Variants in NAAA observed in about 807,000 individuals in gnomAD.
NAAA encodes the protein N-acylethanolamine-hydrolyzing acid amidase.
Under a neutral mutation model 44.8 loss-of-function variants are expected in NAAA, and 39 were observed. The observed-to-expected ratio is 0.87, with a 90% CI of 0.67 to 1.14. NAAA has a LOEUF of 1.14. NAAA is among the 50% of genes most tolerant of loss of function. The pLI, the probability that NAAA is intolerant of heterozygous loss-of-function variation, is 0.00. For missense variants in NAAA, 460 were observed against 467.8 expected (o/e 0.98, Z 0.15); for synonymous variants, 178 against 191.3 (o/e 0.93, Z 0.58).
chr4:75,912,509 G>C (rs1274542234), downstream of NAAA, among the ~76,000 whole-genome samples: 2 of 149,970 alleles, frequency 1.3e-5, no homozygotes. Context: ...AGCCGAGATC[G>C]TGCCATCGCA....
chr4:75,934,518 G>A (rs1485005617), intron 3 of NAAA, among the ~76,000 whole-genome samples: 4 of 148,256 alleles, frequency 2.7e-5, no homozygotes, highest in South Asian at 2.1e-4. Context: ...TAGTAGAGAC[G>A]GGGTTTCACC....
At chr4:75,940,671 C>G (rs1728187483) in intron 1 of NAAA, 73 bp downstream of exon 1, 1 of 1,481,824 alleles carries the variant, frequency 6.7e-7, no homozygotes, top group South Asian at 1.3e-5. Flanking sequence ...TTAAAGCACT[C>G]TGAGCAGCGC....
chr4:75,922,578 A>G (rs78906706), intron 5 of NAAA, among the ~76,000 whole-genome samples: 5,396 of 152,246 alleles, frequency 0.035, 315 homozygotes, highest in African/African-American at 0.12. Flanking sequence ...TTGTTCAATC[A>G]TATTTCTACA....
At chr4:75,920,512 C>T (rs1373921206) in intron 7 of NAAA, among the ~76,000 whole-genome samples, 5 of 152,258 alleles carry the variant, frequency 3.3e-5, no homozygotes, top group Admixed American at 3.3e-4. Context: ...CTCTAGGGCT[C>T]CTGACCCTGA....
At chr4:75,922,009 T>C (rs566079717) in intron 5 of NAAA, among the ~76,000 whole-genome samples, 2 of 152,260 alleles carry the variant, frequency 1.3e-5, no homozygotes, top group South Asian at 2.1e-4. Flanking sequence ...TCTTCCTGTC[T>C]CCACCTTCAC....
At position 75,925,410 on chromosome 4, in the gene NAAA, C is replaced by T. The variant is rs1176262325; in HGVS notation, c.666+325G>A. On this transcript the variant is annotated intron_variant, in intron 5 of 10. Transcript: ENST00000286733. ...GAACCGATCCCGCCTTTCCACTTTT[C>T]ACTTCTCTGACTATCCTAAGCTCCT... 2.0e-5 allele frequency among the ~76,000 whole-genome samples: 3 copies of T among 152,190 alleles called. No homozygotes were observed. In the East Asian group the frequency reaches 5.8e-4, roughly 29 times the overall value.
At chr4:75,921,787 G>A (rs1401234707) in intron 5 of NAAA, among the ~76,000 whole-genome samples, 1 of 152,130 alleles carries the variant, frequency 6.6e-6, no homozygotes, top group African/African-American at 2.4e-5. Flanking sequence ...TAGTTCGATG[G>A]ACTAGACTGG....
chr4:75,933,179 T>C (rs1033782822), intron 3 of NAAA, among the ~76,000 whole-genome samples: 1 of 151,872 alleles, frequency 6.6e-6, no homozygotes, highest in East Asian at 1.9e-4. Context: ...ACTCATACTG[T>C]TCAATAAAAG....
chr4:75,939,877 G>T lies in NAAA; in HGVS notation c.371+124C>A, dbSNP rs201845829. 54 of 1,100,986 alleles carry T rather than the reference G, an allele frequency of 4.9e-5. No individual in the cohort carries two copies. In the East Asian group the frequency reaches 9.3e-4, roughly 19 times the overall value. The allele number at this position is 1,100,986 out of a possible 1,614,324, so 68.2% of individuals were successfully genotyped here. ...CCAGAGAGGCAAAGAGGAAGCGCTG[G>T]AGGTTTCTAGGCAAGCAGGCACCGC... On this transcript the variant is annotated intron_variant, in intron 2 of 10. Transcript: ENST00000286733.
In NAAA at chr4:75,940,603, C is replaced by T. The variant is rs1728180624; in HGVS notation, c.206+141G>A. On this transcript the variant is annotated intron_variant, in intron 1 of 10. Transcript: ENST00000286733. ...TGGATTCTCCCCAACCCGGACGCTG[C>T]TCAGGGCGGCAGCCAAAACCAGTTC... 3.0e-6 allele frequency: 3 copies of T among 987,818 alleles called. No individual in the cohort carries two copies. In the African/African-American group the frequency reaches 5.0e-5, roughly 16 times the overall value. The allele number at this position is 987,818 out of a possible 1,614,324, so 61.2% of individuals were successfully genotyped here.
At chr4:75,940,673 G>A (rs1169671913) in intron 1 of NAAA, 71 bp downstream of exon 1, 15 of 1,487,932 alleles carry the variant, frequency 1.0e-5, no homozygotes, top group Non-Finnish European at 1.3e-5. Flanking sequence ...AAAGCACTCT[G>A]AGCAGCGCGC....
At chr4:75,927,290 C>A (rs974628396) in intron 4 of NAAA, among the ~76,000 whole-genome samples, 3 of 149,842 alleles carry the variant, frequency 2.0e-5, no homozygotes, top group Non-Finnish European at 4.5e-5. Flanking sequence ...CCTACCTCTA[C>A]AAAAGTTAGC....
chr4:75,923,909 T>A (rs1202577067), intron 5 of NAAA, among the ~76,000 whole-genome samples: 2 of 152,130 alleles, frequency 1.3e-5, no homozygotes. Context: ...AGGTAGAGAA[T>A]CCATCAGCAT....
In NAAA at chr4:75,940,126, T is replaced by C; in HGVS notation, c.246A>G (p.Lys82=). 6.2e-6 allele frequency: 10 copies of C among 1,614,088 alleles called. No individual in the cohort carries two copies. Among genetic ancestry groups the C allele is most frequent in the Non-Finnish European group, 8.5e-6 (10 of 1,180,030 alleles). ...VPKWVHVLIG[K]VVLELERFLP... ...GGAAGCGCTCCAGCTCCAGGACCAC[T>C]TTTCCGATTAACACGTGCACCCACT... The change falls in exon 2 of 11, where the codon AAA becomes AAG. Residue 82 remains lysine (K), a synonymous_variant. Coordinates refer to ENST00000286733, the MANE Select transcript of NAAA (RefSeq NM_014435.4).
intron 9 of NAAA, among the ~76,000 whole-genome samples, chr4:75,918,065 A>G (rs1189880987): frequency 6.6e-6 from 1 of 152,240 alleles, no homozygotes; most frequent in South Asian, 2.1e-4. Context: ...CCTCACTGCC[A>G]GAATATTTCA....
intron 10 of NAAA, among the ~76,000 whole-genome samples, 178 bp from the exon 11 acceptor site, chr4:75,914,516 G>A (rs1468788345): frequency 6.6e-6 from 1 of 151,476 alleles, no homozygotes; most frequent in Non-Finnish European, 1.5e-5. Context: ...CGGGATTTTG[G>A]GTACCCACCA....
intron 5 of NAAA, among the ~76,000 whole-genome samples, chr4:75,923,621 C>A (rs1042673256): frequency 2.7e-5 from 4 of 150,066 alleles, no homozygotes; most frequent in Non-Finnish European, 4.4e-5. Context: ...CTCACTGCAA[C>A]CTCTGCCTTC....
At chr4:75,923,901 G>C (rs1298396565) in intron 5 of NAAA, among the ~76,000 whole-genome samples, 1 of 152,140 alleles carries the variant, frequency 6.6e-6, no homozygotes, top group Non-Finnish European at 1.5e-5. Flanking sequence ...CACCAGCCAG[G>C]TAGAGAATCC....
At chr4:75,911,991 A>G (rs2149237011), downstream of NAAA, among the ~76,000 whole-genome samples, 2 of 152,362 alleles carry the variant, frequency 1.3e-5, no homozygotes, top group Middle Eastern at 6.8e-3. Context: ...AGGAACGAGC[A>G]AGGACAGCCA....
Sources: gnomAD v4.1 joint callset for allele counts (sites outside exome capture counted in the v4.1 genomes callset) on GRCh38, gnomAD v4.1.1 for gene constraint, MANE v1.5 for transcripts, NCBI Gene and HGNC (gene_info 2026-07-23, HGNC 2026-07-21) for gene names.